Variants in NRXN2 observed in about 807,000 individuals in gnomAD.
NRXN2 encodes neurexin-2-beta.
Under a neutral mutation model 128.8 loss-of-function variants are expected in NRXN2, and 29 were observed. The observed-to-expected ratio is 0.23, with a 90% confidence interval of 0.17 to 0.31. The LOEUF (loss-of-function observed/expected upper bound fraction) is 0.31, where lower values mean the gene tolerates loss of function less well. NRXN2 is among the 10% of genes least tolerant of loss of function. The pLI is 1.00. For synonymous variants in NRXN2, 1,098 were observed against 1,075.2 expected (o/e 1.02, Z -0.41); for missense variants, 1,881 against 2,452.6 (o/e 0.77, Z 4.92).
In NRXN2 at chr11:64,607,240, G is replaced by A; in HGVS notation, c.5095C>T (p.Pro1699Ser). 1 of 1,613,936 alleles carries A rather than the reference G, an allele frequency of 6.2e-7. No individual in the cohort carries two copies. The highest frequency in any genetic ancestry group is 2.2e-5 in the East Asian group (1 of 44,860). Residue 1699 changes from proline (P) to serine (S), a missense_variant, in exon 23 of 23, where the codon CCC (proline) becomes TCC (serine). This residue lies in a region of NRXN2 where 63 missense variants were observed against 76.0 expected (regional missense o/e 0.83). Transcript: ENST00000265459. Reference sequence around the variant, plus strand: ...TCTTTGTTCTTCTTGGCCTTGCTGGGCGTCTTGGGGGCAGCCGGGGCCTTC... The same window carrying A: ...TCTTTGTTCTTCTTGGCCTTGCTGGACGTCTTGGGGGCAGCCGGGGCCTTC... ...KEKAPAAPKTPSKAKKNKDKE... is the reference protein window; with the variant it reads ...KEKAPAAPKTSSKAKKNKDKE...
At chr11:64,706,601 G>T (rs1448873311) in intron 2 of NRXN2, among the ~76,000 whole-genome samples, 1 of 152,078 alleles carries the variant, frequency 6.6e-6, no homozygotes, top group Non-Finnish European at 1.5e-5. Flanking sequence ...ATTTAAGCCA[G>T]ATCATCAAGA....
chr11:64,698,605 A>G (rs2054865346), intron 2 of NRXN2, among the ~76,000 whole-genome samples: 1 of 152,234 alleles, frequency 6.6e-6, no homozygotes, highest in African/African-American at 2.4e-5. Context: ...CTGGATGGCC[A>G]TGCCAGTGGG....
intron 6 of NRXN2, among the ~76,000 whole-genome samples, chr11:64,678,878 A>C (rs910006086): frequency 7.2e-5 from 11 of 152,238 alleles, no homozygotes; most frequent in Non-Finnish European, 1.5e-4. Flanking sequence ...GGACTAATTC[A>C]GTAAGATGAT....
chr11:64,646,230 G>A (rs940790445), intron 17 of NRXN2, among the ~76,000 whole-genome samples: 1 of 151,988 alleles, frequency 6.6e-6, no homozygotes, highest in South Asian at 2.1e-4. Flanking sequence ...TGGGGATGGT[G>A]ACGCCTCCCA....
chr11:64,627,761 G>A (rs2043286374), intron 19 of NRXN2, among the ~76,000 whole-genome samples: 1 of 152,196 alleles, frequency 6.6e-6, no homozygotes, highest in African/African-American at 2.4e-5. Context: ...GCAGTGGAAA[G>A]AGAACTGATT....
rs948797825 is a variant in NRXN2, at chr11:64,631,878, C to T, written c.3586-1305G>A. On this transcript the variant is annotated intron_variant, in intron 18 of 22. Transcript: ENST00000265459. The surrounding 1 kb of genome is among the most constrained non-coding windows in gnomAD (Gnocchi z 4.8). ...TGCACCTCCCAGCAGCACTCCTGAA[C>T]GCGGTCTCAGCCCTCCTCCCACACG... 2.0e-5 allele frequency among the ~76,000 whole-genome samples: 3 copies of T among 152,226 alleles called. No homozygotes were observed. Among genetic ancestry groups the T allele is most frequent in the Non-Finnish European group, 4.4e-5 (3 of 68,040 alleles).
Position 64,667,473 on chromosome 11 carries a change from C to G in NRXN2, c.1575G>C (p.Glu525Asp). 6.2e-7 allele frequency: 1 copy of G among 1,614,080 alleles called. No homozygotes were observed. The highest frequency in any genetic ancestry group is 8.5e-7 in the Non-Finnish European group (1 of 1,180,032). The change falls in exon 9 of 23, where the codon GAG becomes GAC. Residue 525 changes from glutamate (E) to aspartate (D), a missense_variant. Physicochemically the swap from Glu to Asp is conservative, Grantham distance 45. Around this residue, in one of 7 missense-constraint regions of NRXN2, gnomAD observed 997 missense variants for 1,240.8 expected, o/e 0.80. Coordinates refer to ENST00000265459, the MANE Select transcript of NRXN2 (RefSeq NM_015080.4). The surrounding 1 kb of genome is among the most constrained non-coding windows in gnomAD (Gnocchi z 5.6). Reference protein sequence around the residue: ...GSISLDFRTTEPNGLLLFSQG... With the variant: ...GSISLDFRTTDPNGLLLFSQG... ...GGCTGAAGAGCAGCAGCCCATTGGG[C>G]TCGGTGGTGCGGAAGTCTAGGGAGA...
chr11:64,607,302 C>T lies in NRXN2; in HGVS notation c.5033G>A (p.Ser1678Asn). The T allele has an allele frequency of 6.2e-7, 1 of 1,614,044 alleles. No individual in the cohort carries two copies. The highest frequency in any genetic ancestry group is 8.5e-7 in the Non-Finnish European group (1 of 1,179,980). The change falls in exon 23 of 23, where the codon AGT becomes AAT. Residue 1678 changes from serine to asparagine, a missense_variant. Coordinates refer to ENST00000265459, the MANE Select transcript of NRXN2 (RefSeq NM_015080.4). ...YQVDQSRNYISNSAQSNGAVV... is the reference protein window; with the variant it reads ...YQVDQSRNYINNSAQSNGAVV... ...CGCCCCATTGCTCTGGGCCGAGTTA[C>T]TGATGTAGTTTCGGCTCTGGTCCAC...
intron 4 of NRXN2, among the ~76,000 whole-genome samples, 186 bp downstream of exon 4, chr11:64,692,661 C>T (rs761111014): frequency 6.6e-5 from 10 of 150,558 alleles, no homozygotes; most frequent in Non-Finnish European, 1.5e-4. Context: ...CAAGCCCCCA[C>T]CCCCACCCCA....
Position 64,667,632 on chromosome 11 carries a change from C to T in NRXN2, c.1416G>A (p.Gly472=). 6.2e-7 allele frequency: 1 copy of T among 1,614,192 alleles called. No homozygotes were observed. The highest frequency in any genetic ancestry group is 1.1e-5 in the South Asian group (1 of 91,082). Residue 472 remains glycine (G), a synonymous_variant, in exon 9 of 23, where the codon GGG becomes GGA. Coordinates refer to ENST00000265459, the MANE Select transcript of NRXN2 (RefSeq NM_015080.4). This position sits in a 1 kb window ranked among gnomAD's most constrained non-coding sequence, Gnocchi z 5.6. ...KLELSRLAKE[G]DPKMKLQGDL... ...CCCCCTGCAGCTTCATCTTGGGGTC[C>T]CCTTCCTTTGCCAGGCGGGATAGTT...
chr11:64,713,655 C>A lies in NRXN2; in HGVS notation c.45G>T (p.Leu15=). The change falls in exon 2 of 23, where the codon CTG becomes CTT. Residue 15 remains leucine (L), a synonymous_variant. Coordinates refer to ENST00000265459, the MANE Select transcript of NRXN2 (RefSeq NM_015080.4). Reference sequence around the variant, plus strand: ...CCGCCAGCGCCAGCAGCAGCAGCAACAGCAGCGGCGGCGGTGTCGGCCGCC... The same window carrying A: ...CCGCCAGCGCCAGCAGCAGCAGCAAAAGCAGCGGCGGCGGTGTCGGCCGCC... ...SRWRPTPPPL[L]LLLLLALAAR... 1 of 1,212,358 alleles carries A rather than the reference C, an allele frequency of 8.2e-7. No homozygotes were observed. Among genetic ancestry groups the A allele is most frequent in the Non-Finnish European group, 1.0e-6 (1 of 972,698 alleles). The allele number at this position is 1,212,358 out of a possible 1,614,324, so 75.1% of individuals were successfully genotyped here.
At chr11:64,661,557 G>A (rs929632685) in intron 9 of NRXN2, among the ~76,000 whole-genome samples, 5 of 152,130 alleles carry the variant, frequency 3.3e-5, no homozygotes, top group Non-Finnish European at 5.9e-5. Context: ...GAACAGAAGG[G>A]GCTGAAAGAT....
At chr11:64,709,627 T>C (rs980854093) in intron 2 of NRXN2, among the ~76,000 whole-genome samples, 1 of 152,166 alleles carries the variant, frequency 6.6e-6, no homozygotes, top group Non-Finnish European at 1.5e-5. Context: ...TGTTTTCATA[T>C]GTACATACAG....
chr11:64,640,789 A>G (rs2045546523), intron 17 of NRXN2, among the ~76,000 whole-genome samples: 1 of 152,136 alleles, frequency 6.6e-6, no homozygotes, highest in Non-Finnish European at 1.5e-5. Flanking sequence ...AGATAAAGAT[A>G]AAGTAGGAGA....
chr11:64,627,953 G>A (rs572415069), intron 19 of NRXN2, among the ~76,000 whole-genome samples: 1 of 152,292 alleles, frequency 6.6e-6, no homozygotes, highest in East Asian at 1.9e-4. Context: ...ATGTGTTCAT[G>A]TGGGTATGGA....
At chr11:64,715,554 G>A (rs758104087) in intron 1 of NRXN2, among the ~76,000 whole-genome samples, 28 of 152,198 alleles carry the variant, frequency 1.8e-4, no homozygotes, top group Non-Finnish European at 4.0e-4. Flanking sequence ...AGAGTGACAC[G>A]TGTGCAGAGG....
intron 3 of NRXN2, among the ~76,000 whole-genome samples, chr11:64,694,314 T>C (rs2054211882): frequency 6.6e-6 from 1 of 152,150 alleles, no homozygotes; most frequent in South Asian, 2.1e-4. Flanking sequence ...ATGTGAACCC[T>C]AGGGATAGAA....
Position 64,606,327 on chromosome 11 carries a change from C to T in NRXN2, c.*869G>A, listed in dbSNP as rs1369782316. On this transcript the variant is annotated 3_prime_UTR_variant, in exon 23 of 23. Transcript: ENST00000265459. ...AGAAGTGACCCCAGCAGTCTGTGGA[C>T]AATGCCTTGCTCCCTCTTCCCTGCT... The T allele has an allele frequency of 6.6e-6, 1 of 152,564 alleles. No homozygotes were observed. The highest frequency in any genetic ancestry group is 1.5e-5 in the Non-Finnish European group (1 of 68,054). 9.5% of individuals were successfully genotyped at this position (152,564 alleles called of 1,614,324 possible).
intron 6 of NRXN2, among the ~76,000 whole-genome samples, chr11:64,682,531 T>A (rs1000114984): frequency 6.6e-6 from 1 of 152,148 alleles, no homozygotes; most frequent in African/African-American, 2.4e-5. Context: ...GAGGACTGCA[T>A]CCTTGGGGAC....
Sources: allele counts gnomAD v4.1 joint callset (sites outside exome capture counted in the v4.1 genomes callset), GRCh38; gene constraint gnomAD v4.1.1; regional missense constraint gnomAD v4.1.1; non-coding constraint Gnocchi (gnomAD v3.1); transcripts MANE v1.5; gene names NCBI Gene and HGNC (gene_info 2026-07-23, HGNC 2026-07-21).